The following FLT4 variants were observed in gnomAD, a reference collection of about 807,000 sequenced individuals.
The protein encoded by FLT4 is fms related receptor tyrosine kinase 4, also known as vascular endothelial growth factor receptor 3.
FLT4 carries 30 observed loss-of-function variants against 163.2 expected under a neutral mutation model. The observed-to-expected ratio is 0.18, with a 90% CI of 0.14 to 0.25. The LOEUF is 0.25. Ranked by LOEUF, FLT4 falls within the 10% of genes least tolerant of loss-of-function variation. The probability of loss-of-function intolerance (pLI) is 1.00; values close to 1 mark genes in which losing one functional copy is unlikely to be tolerated. For missense variants in FLT4, 1,510 were observed against 1,863.8 expected (o/e 0.81, Z 3.50); for synonymous variants, 884 against 789.5 (o/e 1.12, Z -2.01).
chr5:180,645,365 T>C (rs1057413381), intron 1 of FLT4, among the ~76,000 whole-genome samples: 1 of 152,160 alleles, frequency 6.6e-6, no homozygotes, highest in African/African-American at 2.4e-5. Flanking sequence ...TGCCAGGCAG[T>C]TTCCCCGGCT....
In FLT4 at chr5:180,631,753, G is replaced by T. The variant is rs1049210939; in HGVS notation, c.84C>A (p.Thr28=). Residue 28 remains threonine, a synonymous_variant, in exon 2 of 30, where the codon ACC becomes ACA. Transcript: ENST00000261937. ...CCTCCGTGATGTTCAAGGTCGGGGG[G>T]GTCATGGAGTAGCCACTCACCAGGC... ...LDGLVSGYSM[T]PPTLNITEES... is the part of the protein sequence containing the mutation. The T allele has an allele frequency of 5.0e-6, 8 of 1,610,480 alleles. No individual in the cohort carries two copies. In the Admixed American group the frequency reaches 6.7e-5, roughly 13 times the overall value.
intron 6 of FLT4, 103 bp downstream of exon 6, chr5:180,629,593 G>T: frequency 1.4e-6 from 2 of 1,481,442 alleles, no homozygotes; most frequent in Non-Finnish European, 1.8e-6. Flanking sequence ...GGCCCCTGGG[G>T]CAGGCCTGGG....
At position 180,620,260 on chromosome 5, in the gene FLT4, G is replaced by A. The variant is rs1763023116; in HGVS notation, c.2455C>T (p.Pro819Ser). Residue 819 changes from proline (P) to serine (S), a missense_variant, in exon 17 of 30, where the codon CCC (proline) becomes TCC (serine). Around this residue, in one of 5 missense-constraint regions of FLT4, gnomAD observed 878 missense variants for 1,016.7 expected, o/e 0.86. Coordinates refer to ENST00000261937, the MANE Select transcript of FLT4 (RefSeq NM_182925.5). This position sits in a 1 kb window ranked among gnomAD's most constrained non-coding sequence, Gnocchi z 4.4. ...TGCTCCTCCAGAGGCACCTCCCCGG[G>A]GTCCATGATGATGGACAGGTAGCCC... ...KTGYLSIIMD[P>S]GEVPLEEQCE... is the part of the protein sequence containing the mutation. The A allele has an allele frequency of 6.2e-7, 1 of 1,611,966 alleles. No homozygotes were observed. Among genetic ancestry groups the A allele is most frequent in the South Asian group, 1.1e-5 (1 of 91,072 alleles).
chr5:180,640,533 C>T (rs1765026103), intron 1 of FLT4, among the ~76,000 whole-genome samples: 1 of 152,258 alleles, frequency 6.6e-6, no homozygotes, highest in African/African-American at 2.4e-5. Context: ...CCCCAGTGGC[C>T]TCCACCACAC....
chr5:180,606,202 T>C (rs1156957439), intron 29 of FLT4, among the ~76,000 whole-genome samples: 1 of 152,238 alleles, frequency 6.6e-6, no homozygotes, highest in Non-Finnish European at 1.5e-5. Flanking sequence ...TCTTCTGACT[T>C]CTGGATACTA....
In FLT4 at chr5:180,623,576, G is replaced by C. The variant is rs1236090685; in HGVS notation, c.1548+359C>G. Among the ~76,000 whole-genome samples the C allele has an allele frequency of 6.6e-6, 1 of 152,212 alleles. No individual in the cohort carries two copies. The highest frequency in any genetic ancestry group is 1.9e-4 in the East Asian group (1 of 5,180). On this transcript the variant is annotated intron_variant, in intron 11 of 29. Coordinates refer to ENST00000261937, the MANE Select transcript of FLT4 (RefSeq NM_182925.5). The surrounding 1 kb of genome is among the most constrained non-coding windows in gnomAD (Gnocchi z 5.8). ...TACCCCCTTCTCGGCGTTGCCCCCA[G>C]GCTGCGCCAGCGGCTCAGCAGCCCT...
At chr5:180,604,527 A>C (rs942317416) in intron 29 of FLT4, among the ~76,000 whole-genome samples, 2 of 152,036 alleles carry the variant, frequency 1.3e-5, no homozygotes, top group Non-Finnish European at 2.9e-5. Flanking sequence ...AAGTTACACT[A>C]TGTCATTCTC....
At chr5:180,645,473 G>A (rs557794793) in intron 1 of FLT4, among the ~76,000 whole-genome samples, 20 of 152,328 alleles carry the variant, frequency 1.3e-4, no homozygotes, top group Admixed American at 9.1e-4. Flanking sequence ...CTGCTAAATC[G>A]GGGCCACCAG....
At chr5:180,628,827 T>C (rs921244274) in intron 8 of FLT4, 55 bp downstream of exon 8, 4 of 1,256,158 alleles carry the variant, frequency 3.2e-6, no homozygotes, top group Non-Finnish European at 2.3e-6. Flanking sequence ...TGGTCTGTTT[T>C]GCCCCTGGAC....
chr5:180,639,044 T>C (rs1386136211), intron 1 of FLT4, among the ~76,000 whole-genome samples: 1 of 151,102 alleles, frequency 6.6e-6, no homozygotes, highest in Non-Finnish European at 1.5e-5. Flanking sequence ...GGTAGGTGGG[T>C]AGATGGGTGC....
chr5:180,626,228 G>A lies in FLT4; in HGVS notation c.1141C>T (p.Pro381Ser). ...ACCTCCTTGAGCACCAGGGCATGTG[G>A]ACTGTGGCGCCCGGACAGTGCCTTT... The part of the protein sequence containing the change: ...DGKALSGRHS[P>S]HALVLKEVTE... The change falls in exon 9 of 30, where the codon CCA (proline) becomes TCA (serine). Residue 381 changes from proline to serine, a missense_variant. Coordinates refer to ENST00000261937, the MANE Select transcript of FLT4 (RefSeq NM_182925.5). The A allele has an allele frequency of 6.2e-7, 1 of 1,612,812 alleles. No homozygotes were observed. The highest frequency in any genetic ancestry group is 8.5e-7 in the Non-Finnish European group (1 of 1,180,008).
At chr5:180,609,697 G>T in intron 28 of FLT4, 1 of 590,318 alleles carries the variant, frequency 1.7e-6, no homozygotes, top group Non-Finnish European at 3.0e-6. Flanking sequence ...GCCTCGTGTG[G>T]GGGTGACGAG....
chr5:180,614,189 CAG>C lies in FLT4; in HGVS notation c.3220-12_3220-11del, dbSNP rs755067302. On this transcript the variant is annotated splice_polypyrimidine_tract_variant and intron_variant, in intron 23 of 29. Transcript: ENST00000261937. ...TCAGGGGCAGCCGGGCCTGGGGAGA[CAG>C]AGGGAAGCTTGTCCCGTGGTGGATG... is the stretch of plus-strand genomic sequence containing the variant. The C allele has an allele frequency of 8.2e-6, 13 of 1,590,200 alleles. No individual in the cohort carries two copies. The South Asian group carries it at 1.1e-4, about 14-fold the overall frequency.
intron 1 of FLT4, among the ~76,000 whole-genome samples, chr5:180,634,866 ATGGGTGGG>A (rs1295611373): frequency 1.9e-5 from 1 of 53,056 alleles, no homozygotes. Context: ...GTATGGGTGG[ATGGGTGGG>A]TGGGTGGGTG....
chr5:180,624,672 G>A (rs1371461447), intron 10 of FLT4, among the ~76,000 whole-genome samples: 1 of 152,222 alleles, frequency 6.6e-6, no homozygotes, highest in Non-Finnish European at 1.5e-5. Context: ...TTCCTGCAGA[G>A]GCCACCTGGG....
In FLT4 at chr5:180,636,047, G is replaced by C. The variant is rs1414944989; in HGVS notation, c.59-4269C>G. On this transcript the variant is annotated intron_variant, in intron 1 of 29. Coordinates refer to ENST00000261937, the MANE Select transcript of FLT4 (RefSeq NM_182925.5). This position sits in a 1 kb window ranked among gnomAD's most constrained non-coding sequence, Gnocchi z 4.3. ...TGGACAGGTGAAAGGTAAGTGGATG[G>C]GTGAAGGGTGGATGGGGAGAGGAGT... 2.0e-5 allele frequency among the ~76,000 whole-genome samples: 3 copies of C among 151,726 alleles called. No individual in the cohort carries two copies. Among genetic ancestry groups the C allele is most frequent in the Admixed American group, 2.0e-4 (3 of 15,226 alleles).
Position 180,631,773 on chromosome 5 carries a change from C to G in FLT4, c.64G>C (p.Val22Leu). The G allele has an allele frequency of 1.2e-6, 2 of 1,608,520 alleles. No individual in the cohort carries two copies. Among genetic ancestry groups the G allele is most frequent in the Non-Finnish European group, 1.7e-6 (2 of 1,178,926 alleles). Reference protein sequence around the residue: ...WLCLGLLDGLVSGYSMTPPTL... With the variant: ...WLCLGLLDGLLSGYSMTPPTL... ...GGGGGGGTCATGGAGTAGCCACTCA[C>G]CAGGCCTGGGGTGGGAGACAGGGTC... Residue 22 changes from valine (V) to leucine (L), a missense_variant, in exon 2 of 30, where the codon GTG (valine) becomes CTG (leucine). Transcript: ENST00000261937.
In FLT4 at chr5:180,636,008, G is replaced by A. The variant is rs1465842855; in HGVS notation, c.59-4230C>T. ...GGGTGGAAGGATGAATGGATGGATG[G>A]GTGGAAGAGTGGGTGGACAGGTGAA... is the stretch of plus-strand genomic sequence containing the variant. On this transcript the variant is annotated intron_variant, in intron 1 of 29. Coordinates refer to ENST00000261937, the MANE Select transcript of FLT4 (RefSeq NM_182925.5). The surrounding 1 kb of genome is among the most constrained non-coding windows in gnomAD (Gnocchi z 4.3). Among the ~76,000 whole-genome samples the A allele has an allele frequency of 6.6e-6, 1 of 151,508 alleles. No individual in the cohort carries two copies. Among genetic ancestry groups the A allele is most frequent in the Admixed American group, 6.6e-5 (1 of 15,184 alleles).
intron 1 of FLT4, among the ~76,000 whole-genome samples, chr5:180,647,971 C>G (rs1033150591): frequency 9.9e-5 from 15 of 152,174 alleles, no homozygotes; most frequent in Non-Finnish European, 1.5e-4. Context: ...CTGGAAGCCC[C>G]CTTGCCCTCT....
Sources: allele counts gnomAD v4.1 joint callset (sites outside exome capture counted in the v4.1 genomes callset), GRCh38; gene constraint gnomAD v4.1.1; regional missense constraint gnomAD v4.1.1; non-coding constraint Gnocchi (gnomAD v3.1); transcripts MANE v1.5; gene names NCBI Gene and HGNC (gene_info 2026-07-23, HGNC 2026-07-21).